Variants in GPATCH2L observed in about 807,000 individuals in gnomAD.
GPATCH2L encodes G patch domain-containing protein 2-like.
A neutral mutation model predicts 57.4 loss-of-function variants in GPATCH2L; 31 were observed. The ratio of observed to expected loss-of-function variants is 0.54; its 90% CI spans 0.41 to 0.73. GPATCH2L has a LOEUF of 0.73. Among genes scored for constraint, GPATCH2L ranks in the 30% least tolerant of loss-of-function variants. The pLI is 0.00. For synonymous variants in GPATCH2L, 199 were observed against 210.7 expected, an observed-to-expected ratio of 0.94 and a Z score of 0.48; for missense variants, 481 against 599.9, an observed-to-expected ratio of 0.80 and a Z score of 2.07.
rs926818745 is a variant in GPATCH2L at position 76,210,105 on chromosome 14, A to G, written c.*8254A>G. 1 of 152,206 alleles carries G rather than the reference A, an allele frequency of 6.6e-6. No individual in the cohort carries two copies. The highest frequency in any genetic ancestry group is 1.5e-5 in the Non-Finnish European group (1 of 68,048). 9.4% of individuals were successfully genotyped at this position (152,206 alleles called of 1,614,324 possible). A position where few individuals can be genotyped will look rare whatever the true frequency, so the allele number is the denominator to read the frequency against. ...AGCAGGATACTCCTGGGCTCCTTAG[A>G]TATACTATCCTTGAAACTATTAGGC... On this transcript the variant is annotated 3_prime_UTR_variant, in exon 10 of 10. Coordinates refer to ENST00000261530, the MANE Select transcript of GPATCH2L (RefSeq NM_017926.4).
At chr14:76,189,193 T>C (rs1163773824) in intron 8 of GPATCH2L, among the ~76,000 whole-genome samples, 2 of 151,962 alleles carry the variant, frequency 1.3e-5, no homozygotes, top group Non-Finnish European at 2.9e-5. Context: ...TCTGGGTCTC[T>C]TGTGGCTGCA....
chr14:76,166,873 G>T, intron 3 of GPATCH2L, 146 bp downstream of exon 3: 2 of 662,642 alleles, frequency 3.0e-6, no homozygotes, highest in South Asian at 3.4e-5. Flanking sequence ...CTAGGGAACT[G>T]TTAAAACTGC....
chr14:76,223,940 A>T (rs1278689359), intron 1 of GPATCH2L, among the ~76,000 whole-genome samples: 1 of 152,220 alleles, frequency 6.6e-6, no homozygotes, highest in Non-Finnish European at 1.5e-5. Flanking sequence ...TTGTACACAA[A>T]TGTTCATTTT....
rs1566821146 is a variant in GPATCH2L, at chr14:76,206,390, TGGACCTACAG to T, written c.*4542_*4551del. On this transcript the variant is annotated 3_prime_UTR_variant, in exon 10 of 10. Transcript: ENST00000261530. ...AGATGAGAAGTATTGTTGAAGAGTA[TGGACCTACAG>T]GGTTTTTAACAAGTCCAGCAAAACA... is the stretch of plus-strand genomic sequence containing the variant. 3.3e-5 allele frequency: 5 copies of T among 152,204 alleles called. 1 individual carries two copies. The South Asian group carries it at 1.0e-3, about 31-fold the overall frequency. 9.4% of individuals were successfully genotyped at this position (152,204 alleles called of 1,614,324 possible).
chr14:76,197,175 G>A (rs2040179621), intron 9 of GPATCH2L, among the ~76,000 whole-genome samples: 1 of 152,096 alleles, frequency 6.6e-6, no homozygotes, highest in Non-Finnish European at 1.5e-5. Context: ...TGTGACTCTA[G>A]AGCTGTCCTG....
intron 2 of GPATCH2L, among the ~76,000 whole-genome samples, chr14:76,160,061 G>A (rs2038504859): frequency 6.6e-6 from 1 of 151,386 alleles, no homozygotes; most frequent in Non-Finnish European, 1.5e-5. Flanking sequence ...GTGAACCCGG[G>A]AGGCGGAGCT....
At position 76,202,460 on chromosome 14, in the gene GPATCH2L, C is replaced by A. The variant is rs992301514; in HGVS notation, c.*609C>A. The A allele has an allele frequency of 6.6e-6, 1 of 152,610 alleles. No homozygotes were observed. Among genetic ancestry groups the A allele is most frequent in the Admixed American group, 6.5e-5 (1 of 15,276 alleles). The allele number at this position is 152,610 out of a possible 1,614,324, so 9.5% of individuals were successfully genotyped here. On this transcript the variant is annotated 3_prime_UTR_variant, in exon 10 of 10. Coordinates refer to ENST00000261530, the MANE Select transcript of GPATCH2L (RefSeq NM_017926.4). Reference sequence around the variant, plus strand: ...AGATTGTCTGCAGAAACTCAGACAGCTCATCAGCAGCAGCAGCTGTATTGT... The same window carrying A: ...AGATTGTCTGCAGAAACTCAGACAGATCATCAGCAGCAGCAGCTGTATTGT...
intron 1 of GPATCH2L, among the ~76,000 whole-genome samples, chr14:76,227,162 T>G (rs987208978): frequency 3.9e-5 from 6 of 152,196 alleles, no homozygotes; most frequent in Non-Finnish European, 5.9e-5. Flanking sequence ...TCTTTTCAAA[T>G]AGGCTGTCAG....
chr14:76,162,793 C>G (rs1314111129), intron 2 of GPATCH2L, among the ~76,000 whole-genome samples: 1 of 152,114 alleles, frequency 6.6e-6, no homozygotes, highest in Non-Finnish European at 1.5e-5. Flanking sequence ...ATGAGTGTTA[C>G]TTAAATTCAA....
chr14:76,164,920 A>G (rs1475115620), intron 2 of GPATCH2L, among the ~76,000 whole-genome samples: 2 of 152,232 alleles, frequency 1.3e-5, no homozygotes, highest in African/African-American at 4.8e-5. Context: ...TCTGCTTTCA[A>G]AGAGGCTCTG....
intron 8 of GPATCH2L, among the ~76,000 whole-genome samples, chr14:76,191,753 A>G (rs1280966211): frequency 6.6e-6 from 1 of 152,164 alleles, no homozygotes; most frequent in African/African-American, 2.4e-5. Context: ...TAGCATATCC[A>G]TCTGCTCAAA....
intron 8 of GPATCH2L, among the ~76,000 whole-genome samples, chr14:76,182,273 C>T (rs762372252): frequency 1.4e-5 from 2 of 144,668 alleles, no homozygotes; most frequent in African/African-American, 2.5e-5. Flanking sequence ...AGGAGAATGG[C>T]GTGAACCCGG....
chr14:76,234,392 T>G (rs1391058612), intron 2 of GPATCH2L: 2 of 152,204 alleles, frequency 1.3e-5, no homozygotes, highest in Non-Finnish European at 2.9e-5. Flanking sequence ...CCCATCCCCT[T>G]GGCTGTGGCT....
intron 9 of GPATCH2L, among the ~76,000 whole-genome samples, chr14:76,199,269 C>T (rs149157098): frequency 1.0e-3 from 157 of 151,696 alleles, no homozygotes; most frequent in African/African-American, 3.6e-3. Context: ...TGTTTTTTAT[C>T]GTTTGTCATT....
intron 4 of GPATCH2L, among the ~76,000 whole-genome samples, chr14:76,172,414 G>A (rs1566786783): frequency 1.3e-5 from 2 of 152,052 alleles, no homozygotes; most frequent in Admixed American, 1.3e-4. Flanking sequence ...CACATATAAT[G>A]GTGTTTTTAA....
At chr14:76,192,978 G>C (rs2040027875) in intron 8 of GPATCH2L, among the ~76,000 whole-genome samples, 1 of 152,052 alleles carries the variant, frequency 6.6e-6, no homozygotes, top group Non-Finnish European at 1.5e-5. Context: ...TAGCAGTCAA[G>C]GGTCACTTAA....
Position 76,182,239 on chromosome 14 carries a change from C to A in GPATCH2L, c.1193+1390C>A, listed in dbSNP as rs867611985. On this transcript the variant is annotated intron_variant, in intron 8 of 9. Coordinates refer to ENST00000261530, the MANE Select transcript of GPATCH2L (RefSeq NM_017926.4). ...AGGTGTGCTGGCGGGTGCCTGTAGT[C>A]CCAGCTGCTCAGGAGCCTGAGGCAG... is the stretch of plus-strand genomic sequence containing the variant. 2.6e-5 allele frequency among the ~76,000 whole-genome samples: 4 copies of A among 151,876 alleles called. No homozygotes were observed. The South Asian group carries it at 6.2e-4, about 24-fold the overall frequency.
At chr14:76,185,109 A>G (rs577013136) in intron 8 of GPATCH2L, among the ~76,000 whole-genome samples, 19 of 152,310 alleles carry the variant, frequency 1.2e-4, no homozygotes, top group Middle Eastern at 3.4e-3. Flanking sequence ...TGCCCAGCAC[A>G]TAGTTCTTAA....
chr14:76,173,334 G>T (rs867426545), intron 4 of GPATCH2L, among the ~76,000 whole-genome samples: 28 of 152,068 alleles, frequency 1.8e-4, no homozygotes, highest in African/African-American at 6.0e-4. Context: ...ATAGATGGAG[G>T]ATGCCTAGGT....
Sources: allele counts gnomAD v4.1 joint callset (sites outside exome capture counted in the v4.1 genomes callset), GRCh38; gene constraint gnomAD v4.1.1; transcripts MANE v1.5; gene names NCBI Gene and HGNC (gene_info 2026-07-23, HGNC 2026-07-21).